The following SULF1 variants were observed in gnomAD, a reference collection of about 807,000 sequenced individuals.
The protein encoded by SULF1 is sulfatase 1, also known as extracellular sulfatase Sulf-1.
SULF1 carries 46 observed loss-of-function variants against 110.5 expected under a neutral mutation model. The ratio of observed to expected loss-of-function variants is 0.42; its 90% CI spans 0.33 to 0.53. The LOEUF (loss-of-function observed/expected upper bound fraction) is 0.53, where lower values mean the gene tolerates loss of function less well. Among genes scored for constraint, SULF1 ranks in the 20% least tolerant of loss-of-function variants. The pLI, the probability that SULF1 is intolerant of heterozygous loss-of-function variation, is 0.12. For missense variants in SULF1, 941 were observed against 1,094.2 expected, an observed-to-expected ratio of 0.86 and a Z score of 1.98; for synonymous variants, 371 against 387.1, an observed-to-expected ratio of 0.96 and a Z score of 0.49.
rs373342987 is a variant in SULF1 at position 69,530,646 on chromosome 8, C to A, written c.-134+28678C>A. On this transcript the variant is annotated intron_variant, in intron 3 of 22. Coordinates refer to ENST00000402687, the MANE Select transcript of SULF1 (RefSeq NM_001128205.2). ...ATTGCTTTTCCTCTACCGTAGTAAC[C>A]AGATGAACTATTTGAATGAATTGTA... Among the ~76,000 whole-genome samples, 5 of 152,162 alleles carry A rather than the reference C, an allele frequency of 3.3e-5. No individual in the cohort carries two copies. The East Asian group carries it at 7.7e-4, about 23-fold the overall frequency.
rs139099503 is a variant in SULF1 at position 69,497,097 on chromosome 8, T to A, written c.-229+1171T>A. On this transcript the variant is annotated intron_variant, in intron 2 of 22. Coordinates refer to ENST00000402687, the MANE Select transcript of SULF1 (RefSeq NM_001128205.2). Reference sequence around the variant, plus strand: ...TCCAACAACCCTTTAGGAAAAGCAGTTTGGAACCAGTTATTACTTTCCAAG... The same window carrying A: ...TCCAACAACCCTTTAGGAAAAGCAGATTGGAACCAGTTATTACTTTCCAAG... Among the ~76,000 whole-genome samples the A allele has an allele frequency of 4.6e-3, 698 of 152,216 alleles. 4 individuals carry two copies. Among genetic ancestry groups the A allele is most frequent in the Non-Finnish European group, 7.3e-3 (496 of 68,012 alleles).
intron 3 of SULF1, among the ~76,000 whole-genome samples, chr8:69,559,293 G>T (rs1339745801): frequency 1.3e-5 from 2 of 152,164 alleles, no homozygotes; most frequent in Non-Finnish European, 2.9e-5. Context: ...TGGTCATCTT[G>T]TACTTCAAAT....
At chr8:69,630,011 G>T (rs1361225522) in intron 19 of SULF1, among the ~76,000 whole-genome samples, 1 of 152,156 alleles carries the variant, frequency 6.6e-6, no homozygotes. Flanking sequence ...TCCCGTAAAT[G>T]GATGAACAAT....
At chr8:69,628,085 T>C (rs1338103465) in intron 17 of SULF1, 86 bp from the exon 18 acceptor site, 1 of 1,169,644 alleles carries the variant, frequency 8.5e-7, no homozygotes, top group Non-Finnish European at 1.3e-6. Flanking sequence ...CCTTCCTTCT[T>C]TCTATTTTGC....
At chr8:69,657,900 G>T (rs991539644) in intron 22 of SULF1, among the ~76,000 whole-genome samples, 1 of 152,112 alleles carries the variant, frequency 6.6e-6, no homozygotes, top group Admixed American at 6.5e-5. Context: ...GTTATCTAAG[G>T]CACACATTTA....
At chr8:69,508,784 A>G (rs762384119) in intron 3 of SULF1, among the ~76,000 whole-genome samples, 1 of 152,180 alleles carries the variant, frequency 6.6e-6, no homozygotes, top group Non-Finnish European at 1.5e-5. Flanking sequence ...CCATCCTGCC[A>G]TATTCATGGG....
intron 3 of SULF1, among the ~76,000 whole-genome samples, chr8:69,551,029 C>T (rs573271870): frequency 7.9e-5 from 12 of 152,234 alleles, no homozygotes; most frequent in East Asian, 5.8e-4. Flanking sequence ...TTAATCGATT[C>T]GAAGTTTGTT....
chr8:69,627,514 G>A (rs1051052504), intron 16 of SULF1, among the ~76,000 whole-genome samples: 1 of 152,186 alleles, frequency 6.6e-6, no homozygotes, highest in Non-Finnish European at 1.5e-5. Context: ...ACTGGGAACT[G>A]ACTCAATGGT....
intron 8 of SULF1, among the ~76,000 whole-genome samples, chr8:69,593,740 G>C (rs925732876): frequency 1.3e-5 from 2 of 152,140 alleles, no homozygotes; most frequent in African/African-American, 4.8e-5. Flanking sequence ...ATCTGAGAAA[G>C]CCTCTGTCAT....
In SULF1 at chr8:69,624,214, T is replaced by G; in HGVS notation, c.1850+17T>G. 1 of 1,550,226 alleles carries G rather than the reference T, an allele frequency of 6.5e-7. No homozygotes were observed. On this transcript the variant is annotated intron_variant, in intron 15 of 22. Coordinates refer to ENST00000402687, the MANE Select transcript of SULF1 (RefSeq NM_001128205.2). Reference sequence around the variant, plus strand: ...GACACACAAGTAAGAAAGCTTTATTTGTTCACTAGGGTTGAGTTCAGAATT... The same window carrying G: ...GACACACAAGTAAGAAAGCTTTATTGGTTCACTAGGGTTGAGTTCAGAATT...
At chr8:69,635,903 C>A (rs1265305150) in intron 19 of SULF1, among the ~76,000 whole-genome samples, 1 of 151,972 alleles carries the variant, frequency 6.6e-6, no homozygotes, top group Non-Finnish European at 1.5e-5. Context: ...GTAGCCAGAT[C>A]CCAGTGCTAC....
intron 10 of SULF1, 55 bp downstream of exon 10, chr8:69,601,884 A>G (rs1276563467): frequency 6.7e-7 from 1 of 1,482,446 alleles, no homozygotes; most frequent in African/African-American, 1.4e-5. Context: ...TGTGTCTAAG[A>G]TAATTCAATT....
At chr8:69,649,968 C>T (rs1323756292) in intron 22 of SULF1, among the ~76,000 whole-genome samples, 2 of 80,350 alleles carry the variant, frequency 2.5e-5, no homozygotes, top group African/African-American at 4.4e-5. Context: ...ATTCCTCCTG[C>T]TTGCTTTTTT....
At chr8:69,642,590 C>T (rs369238281) in intron 22 of SULF1, among the ~76,000 whole-genome samples, 39 of 152,206 alleles carry the variant, frequency 2.6e-4, no homozygotes, top group African/African-American at 9.2e-4. Flanking sequence ...TGCCTCCCAT[C>T]GGTCACATTA....
chr8:69,565,787 G>A (rs13272208), intron 5 of SULF1, among the ~76,000 whole-genome samples: 9,578 of 152,100 alleles, frequency 0.063, 425 homozygotes, highest in Non-Finnish European at 0.098. Flanking sequence ...GAGCCTTGCG[G>A]CCCCTGCCTG....
rs111626231 is a variant in SULF1, at chr8:69,638,754, C to A, written c.2447C>A (p.Thr816Lys). The A allele has an allele frequency of 1.2e-6, 2 of 1,614,076 alleles. No homozygotes were observed. The highest frequency in any genetic ancestry group is 1.7e-6 in the Non-Finnish European group (2 of 1,180,010). Residue 816 changes from threonine (T) to lysine (K), a missense_variant, in exon 21 of 23, where the codon ACG becomes AAG. Physicochemically the swap from Thr to Lys is moderately conservative, Grantham distance 78. This residue lies in a region of SULF1 where 112 missense variants were observed against 133.5 expected (regional missense o/e 0.84). Coordinates refer to ENST00000402687, the MANE Select transcript of SULF1 (RefSeq NM_001128205.2). The stretch of plus-strand genomic sequence containing the variant: ...TCACAGCTCACAAATACAGTGCACA[C>A]GGTAGAACGAGGCATTTTGAATCAG... ...DPYQLTNTVH[T>K]VERGILNQLH...
At chr8:69,496,427 G>C (rs1455121920) in intron 2 of SULF1, among the ~76,000 whole-genome samples, 1 of 152,100 alleles carries the variant, frequency 6.6e-6, no homozygotes, top group African/African-American at 2.4e-5. Context: ...TTTGACTTTT[G>C]AAATGGTGAA....
intron 19 of SULF1, among the ~76,000 whole-genome samples, chr8:69,634,795 T>C (rs1347104387): frequency 6.6e-6 from 1 of 151,914 alleles, no homozygotes; most frequent in Admixed American, 6.6e-5. Context: ...TTGGAGAACA[T>C]AATGTGTAAA....
chr8:69,620,542 G>A (rs1041110447), intron 13 of SULF1, among the ~76,000 whole-genome samples: 3 of 152,156 alleles, frequency 2.0e-5, no homozygotes, highest in Non-Finnish European at 2.9e-5. Context: ...GAGTTGGCTC[G>A]CCCCATGATG....
Sources: allele counts gnomAD v4.1 joint callset (sites outside exome capture counted in the v4.1 genomes callset), GRCh38; gene constraint gnomAD v4.1.1; regional missense constraint gnomAD v4.1.1; transcripts MANE v1.5; gene names NCBI Gene and HGNC (gene_info 2026-07-23, HGNC 2026-07-21).